Variants in AP3B1 observed in about 807,000 individuals in gnomAD.
AP3B1 encodes the protein AP-3 complex subunit beta-1.
AP3B1 carries 61 observed loss-of-function variants against 132.5 expected under a neutral mutation model. That is an observed-to-expected ratio of 0.46 (90% CI 0.37 to 0.57). The LOEUF is 0.57. Ranked by LOEUF, AP3B1 falls within the 20% of genes least tolerant of loss-of-function variation. The pLI is 0.00. For missense variants in AP3B1, 1,120 were observed against 1,289.4 expected, an observed-to-expected ratio of 0.87 and a Z score of 2.01; for synonymous variants, 388 against 438.3, an observed-to-expected ratio of 0.89 and a Z score of 1.43.
chr5:78,184,972 G>C (rs1041634843), intron 7 of AP3B1, among the ~76,000 whole-genome samples: 3 of 152,102 alleles, frequency 2.0e-5, no homozygotes, highest in Non-Finnish European at 4.4e-5. Flanking sequence ...CTTGAAAGCA[G>C]GAAAGGAGAA....
chr5:78,003,305 T>A (rs1034248679), intron 26 of AP3B1, among the ~76,000 whole-genome samples: 1 of 152,246 alleles, frequency 6.6e-6, no homozygotes, highest in Non-Finnish European at 1.5e-5. Flanking sequence ...CTATTTTACT[T>A]ATTAGTTTAA....
intron 19 of AP3B1, among the ~76,000 whole-genome samples, chr5:78,113,257 T>C (rs369347202): frequency 6.6e-6 from 1 of 152,242 alleles, no homozygotes; most frequent in Non-Finnish European, 1.5e-5. Flanking sequence ...CTTTAATACA[T>C]GATAATGTTA....
chr5:78,110,746 G>A (rs1003684829), intron 19 of AP3B1, among the ~76,000 whole-genome samples: 1 of 148,530 alleles, frequency 6.7e-6, no homozygotes, highest in Admixed American at 6.8e-5. Context: ...ATATATATAC[G>A]TATATACATA....
intron 21 of AP3B1, among the ~76,000 whole-genome samples, chr5:78,091,731 T>C (rs1039951886): frequency 6.6e-6 from 1 of 152,178 alleles, no homozygotes; most frequent in African/African-American, 2.4e-5. Context: ...ATTTATCCTA[T>C]AGACCAAGGG....
At chr5:78,129,707 A>T (rs780954739) in intron 15 of AP3B1, among the ~76,000 whole-genome samples, 16 of 152,150 alleles carry the variant, frequency 1.1e-4, no homozygotes, top group Non-Finnish European at 2.2e-4. Context: ...ATCAGAAAGT[A>T]TTAGGGGGCT....
chr5:78,022,748 G>A (rs1580249682), intron 24 of AP3B1, among the ~76,000 whole-genome samples: 1 of 152,168 alleles, frequency 6.6e-6, no homozygotes, highest in Admixed American at 6.5e-5. Flanking sequence ...GAGTAAGGGA[G>A]AAATCAAAGG....
At chr5:78,195,077 A>AC in intron 7 of AP3B1, among the ~76,000 whole-genome samples, 1 of 151,876 alleles carries the variant, frequency 6.6e-6, no homozygotes, top group East Asian at 1.9e-4. Flanking sequence ...AAAAAAAAAA[A>AC]ATTTAAAAAA....
rs754967065 is a variant in AP3B1 at position 78,175,646 on chromosome 5, T to C, written c.1147A>G (p.Thr383Ala). ...KSFYVRSTDPTMIKTLKLEIL... is the reference protein window; with the variant it reads ...KSFYVRSTDPAMIKTLKLEIL... ...CATACCTTCAGTGTCTTGATCATAG[T>C]TGGATCAGTTGACCTAACATAGAAA... is the stretch of plus-strand genomic sequence containing the variant. Residue 383 changes from threonine to alanine, a missense_variant, in exon 11 of 27, where the codon ACT (threonine) becomes GCT (alanine). Physicochemically the swap from Thr to Ala is moderately conservative, Grantham distance 58. This residue lies in a region of AP3B1 where 906 missense variants were observed against 997.1 expected (regional missense o/e 0.91). Transcript: ENST00000255194. The C allele has an allele frequency of 3.7e-6, 6 of 1,613,294 alleles. No homozygotes were observed. In the African/African-American group the frequency reaches 4.0e-5, roughly 11 times the overall value.
At position 78,015,661 on chromosome 5, in the gene AP3B1, C is replaced by T. The variant is rs551847066; in HGVS notation, c.2993-113G>A. On this transcript the variant is annotated intron_variant, in intron 25 of 26. Transcript: ENST00000255194. ...CTTTTTTTCAACAAAAGAAACACTA[C>T]TTTAGGATGTAATTTACAAGATAAT... The T allele has an allele frequency of 3.2e-4, 311 of 959,840 alleles. No individual in the cohort carries two copies. In the African/African-American group the frequency reaches 4.3e-3, roughly 13 times the overall value. 59.5% of individuals were successfully genotyped at this position (959,840 alleles called of 1,614,324 possible).
At chr5:78,057,160 G>A (rs908076383) in intron 22 of AP3B1, among the ~76,000 whole-genome samples, 2 of 152,120 alleles carry the variant, frequency 1.3e-5, no homozygotes, top group African/African-American at 4.8e-5. Context: ...GATTTCCCAC[G>A]GCATGAATCT....
At chr5:78,195,693 A>T (rs1745053505) in intron 7 of AP3B1, among the ~76,000 whole-genome samples, 1 of 151,992 alleles carries the variant, frequency 6.6e-6, no homozygotes, top group Admixed American at 6.6e-5. Context: ...GGTGATGCAC[A>T]CCTGTTATCC....
intron 13 of AP3B1, 33 bp from the exon 14 acceptor site, chr5:78,156,400 T>C (rs528675375): frequency 7.0e-7 from 1 of 1,422,434 alleles, no homozygotes; most frequent in Non-Finnish European, 9.9e-7. Context: ...ATACTAAATA[T>C]GTATAATTCA....
intron 22 of AP3B1, among the ~76,000 whole-genome samples, chr5:78,048,829 T>C (rs911218313): frequency 1.2e-4 from 18 of 152,184 alleles, no homozygotes; most frequent in African/African-American, 4.3e-4. Context: ...TTCTATCATC[T>C]ATCTCCCCCA....
chr5:78,195,620 C>T (rs1745050253), intron 7 of AP3B1, among the ~76,000 whole-genome samples: 2 of 152,138 alleles, frequency 1.3e-5, no homozygotes, highest in African/African-American at 2.4e-5. Flanking sequence ...GAATTAGAGA[C>T]CAGCCTGACC....
chr5:78,045,424 A>C (rs1232366093), intron 22 of AP3B1, among the ~76,000 whole-genome samples: 1 of 150,928 alleles, frequency 6.6e-6, no homozygotes, highest in East Asian at 1.9e-4. Flanking sequence ...AAAATGTTTG[A>C]TTACTTTTTT....
At chr5:78,215,005 C>T (rs1745898326) in intron 7 of AP3B1, among the ~76,000 whole-genome samples, 3 of 151,860 alleles carry the variant, frequency 2.0e-5, no homozygotes, top group Admixed American at 1.3e-4. Context: ...GTTTTTAATG[C>T]TAATACTAAA....
At chr5:78,256,560 G>A (rs528981417) in intron 2 of AP3B1, among the ~76,000 whole-genome samples, 3 of 152,092 alleles carry the variant, frequency 2.0e-5, no homozygotes, top group South Asian at 4.1e-4. Flanking sequence ...CCCAGGACCC[G>A]ATAGCTTAAC....
chr5:78,228,917 G>C (rs1375685011), intron 3 of AP3B1, among the ~76,000 whole-genome samples: 3 of 151,870 alleles, frequency 2.0e-5, no homozygotes, highest in East Asian at 3.8e-4. Flanking sequence ...GTGTGTTCTG[G>C]AAACAGTTTT....
At chr5:78,223,307 A>C (rs1348100085) in intron 6 of AP3B1, among the ~76,000 whole-genome samples, 1 of 152,136 alleles carries the variant, frequency 6.6e-6, no homozygotes. Context: ...ATGTATTCTT[A>C]ATTAAAAAAA....
Sources: gnomAD v4.1 joint callset for allele counts (sites outside exome capture counted in the v4.1 genomes callset) on GRCh38, gnomAD v4.1.1 for gene constraint, gnomAD v4.1.1 regional missense constraint, MANE v1.5 for transcripts, NCBI Gene and HGNC (gene_info 2026-07-23, HGNC 2026-07-21) for gene names.